The following MARCHF1 variants were observed in gnomAD, a reference collection of about 807,000 sequenced individuals.
The protein encoded by MARCHF1 is membrane associated ring-CH-type finger 1, also known as E3 ubiquitin-protein ligase MARCHF1.
A neutral mutation model predicts 54.2 loss-of-function variants in MARCHF1; 40 were observed. That is an observed-to-expected ratio of 0.74 (90% confidence interval 0.57 to 0.96). The LOEUF (loss-of-function observed/expected upper bound fraction) is 0.96, where lower values mean the gene tolerates loss of function less well. Ranked by LOEUF, MARCHF1 falls within the 40% of genes least tolerant of loss-of-function variation. The probability of loss-of-function intolerance (pLI) is 0.00; values close to 1 mark genes in which losing one functional copy is unlikely to be tolerated. For missense variants in MARCHF1, 586 were observed against 656.5 expected (o/e 0.89, Z 1.17); for synonymous variants, 236 against 236.3 (o/e 1.00, Z 0.01).
chr4:163,748,966 T>A (rs1746441073), intron 4 of MARCHF1, among the ~76,000 whole-genome samples: 1 of 152,236 alleles, frequency 6.6e-6, no homozygotes, highest in African/African-American at 2.4e-5. Flanking sequence ...CATGTGAACG[T>A]GTAAGGGTCA....
chr4:163,848,738 G>C (rs991955522), intron 4 of MARCHF1, among the ~76,000 whole-genome samples: 7 of 152,074 alleles, frequency 4.6e-5, no homozygotes, highest in African/African-American at 1.7e-4. Context: ...CAATTGTGAG[G>C]ATATGTGCTT....
chr4:164,076,638 C>T (rs1005358691), intron 2 of MARCHF1, among the ~76,000 whole-genome samples: 1 of 152,144 alleles, frequency 6.6e-6, no homozygotes, highest in African/African-American at 2.4e-5. Context: ...TAGAAAACCC[C>T]ATTGCCTGAG....
chr4:164,359,888 T>C (rs1362868612), intron 1 of MARCHF1, among the ~76,000 whole-genome samples: 1 of 152,126 alleles, frequency 6.6e-6, no homozygotes, highest in Non-Finnish European at 1.5e-5. Context: ...AAATCTGGTT[T>C]TTAGCAGTTC....
intron 4 of MARCHF1, among the ~76,000 whole-genome samples, chr4:163,821,419 C>T (rs1459144212): frequency 6.6e-6 from 1 of 151,808 alleles, no homozygotes; most frequent in African/African-American, 2.4e-5. Flanking sequence ...AGAGGATTTT[C>T]AATAGTAGGC....
At chr4:164,134,812 A>C (rs1756368573) in intron 1 of MARCHF1, among the ~76,000 whole-genome samples, 1 of 151,766 alleles carries the variant, frequency 6.6e-6, no homozygotes, top group Non-Finnish European at 1.5e-5. Flanking sequence ...AAAGCACAAA[A>C]ACAAGTATTA....
At chr4:163,826,917 A>T (rs867091813) in intron 4 of MARCHF1, among the ~76,000 whole-genome samples, 11 of 152,174 alleles carry the variant, frequency 7.2e-5, no homozygotes, top group African/African-American at 2.6e-4. Flanking sequence ...TGACTTACAA[A>T]TGACAATACT....
chr4:163,753,064 T>G (rs1746570486), intron 4 of MARCHF1, among the ~76,000 whole-genome samples: 1 of 152,144 alleles, frequency 6.6e-6, no homozygotes, highest in African/African-American at 2.4e-5. Context: ...TGGATATTCT[T>G]CTGCATCTAC....
chr4:164,175,731 G>A (rs983906882), intron 1 of MARCHF1, among the ~76,000 whole-genome samples: 8 of 152,152 alleles, frequency 5.3e-5, no homozygotes, highest in African/African-American at 9.7e-5. Context: ...ACTGAAGACC[G>A]CAGCACTGAC....
At chr4:163,534,977 T>C (rs1416615002) in intron 9 of MARCHF1, among the ~76,000 whole-genome samples, 1 of 152,056 alleles carries the variant, frequency 6.6e-6, no homozygotes, top group Non-Finnish European at 1.5e-5. Flanking sequence ...AATTGCTTTA[T>C]ACTTATTTAT....
chr4:163,643,652 T>A (rs1339553932), intron 5 of MARCHF1, among the ~76,000 whole-genome samples: 2 of 152,242 alleles, frequency 1.3e-5, no homozygotes, highest in Non-Finnish European at 2.9e-5. Context: ...ATATCAACTT[T>A]GAAATAGTTA....
chr4:164,084,536 T>C (rs1197500109), intron 2 of MARCHF1, among the ~76,000 whole-genome samples: 1 of 151,946 alleles, frequency 6.6e-6, no homozygotes, highest in Non-Finnish European at 1.5e-5. Context: ...TATATAAATG[T>C]AATAAGCATT....
chr4:164,113,500 A>C (rs2110739172), intron 1 of MARCHF1, among the ~76,000 whole-genome samples: 1 of 152,174 alleles, frequency 6.6e-6, no homozygotes, highest in Non-Finnish European at 1.5e-5. Flanking sequence ...GAGGAAAGAA[A>C]GATGCATATT....
At chr4:163,700,998 A>G in intron 4 of MARCHF1, 135 bp from the exon 5 acceptor site, 1 of 599,198 alleles carries the variant, frequency 1.7e-6, no homozygotes, top group Non-Finnish European at 3.0e-6. Context: ...TACACATATT[A>G]ATTGCTTACA....
chr4:163,627,955 C>T (rs1484702540), intron 5 of MARCHF1, among the ~76,000 whole-genome samples: 1 of 151,710 alleles, frequency 6.6e-6, no homozygotes, highest in Non-Finnish European at 1.5e-5. Context: ...TAGAACTAAA[C>T]ACAAAAGCTA....
intron 5 of MARCHF1, among the ~76,000 whole-genome samples, chr4:163,679,356 T>G (rs1744021009): frequency 6.6e-6 from 1 of 152,182 alleles, no homozygotes; most frequent in Non-Finnish European, 1.5e-5. Context: ...GATCACCCTG[T>G]CTAGAGCCTA....
At chr4:164,228,039 T>C (rs1732307819) in intron 1 of MARCHF1, among the ~76,000 whole-genome samples, 2 of 152,224 alleles carry the variant, frequency 1.3e-5, no homozygotes, top group Non-Finnish European at 1.5e-5. Context: ...ATTCAACAGA[T>C]ATTTTATGGT....
At chr4:164,170,900 G>A (rs1397746449) in intron 1 of MARCHF1, among the ~76,000 whole-genome samples, 1 of 152,042 alleles carries the variant, frequency 6.6e-6, no homozygotes, top group Non-Finnish European at 1.5e-5. Context: ...CATGTTCACA[G>A]GTCACAAATA....
chr4:164,229,001 C>A (rs144311817), intron 1 of MARCHF1, among the ~76,000 whole-genome samples: 185 of 152,158 alleles, frequency 1.2e-3, no homozygotes, highest in African/African-American at 4.2e-3. Flanking sequence ...AAGGCAGGGG[C>A]GTCTGTATTA....
At chr4:163,715,339 G>A (rs932666663) in intron 4 of MARCHF1, among the ~76,000 whole-genome samples, 1 of 152,144 alleles carries the variant, frequency 6.6e-6, no homozygotes, top group Non-Finnish European at 1.5e-5. Flanking sequence ...TCCACCTCCA[G>A]GGTTCACGCC....
Sources: allele counts gnomAD v4.1 joint callset (sites outside exome capture counted in the v4.1 genomes callset), GRCh38; gene constraint gnomAD v4.1.1; transcripts MANE v1.5; gene names NCBI Gene and HGNC (gene_info 2026-07-23, HGNC 2026-07-21).